Variants in ACYP2 observed in about 807,000 individuals in gnomAD.
ACYP2 encodes the protein acylphosphatase 2.
Under a neutral mutation model 11.2 loss-of-function variants are expected in ACYP2, and 12 were observed. The observed-to-expected ratio is 1.08, with a 90% CI of 0.69 to 1.74. ACYP2 has a LOEUF of 1.74. Among genes scored for constraint, ACYP2 ranks in the 40% most tolerant of loss-of-function variants. ACYP2 has a pLI of 0.00. For missense variants in ACYP2, 134 were observed against 101.9 expected (o/e 1.31, Z -1.35); for synonymous variants, 43 against 32.2 (o/e 1.33, Z -1.13).
chr2:54,252,434 G>C (rs1687269938), intron 6 of ACYP2, among the ~76,000 whole-genome samples: 1 of 152,150 alleles, frequency 6.6e-6, no homozygotes, highest in African/African-American at 2.4e-5. Context: ...AACTAGATCA[G>C]AGGGTTCGCA....
At chr2:54,079,716 G>C (rs542421868) in intron 4 of ACYP2, among the ~76,000 whole-genome samples, 1 of 152,122 alleles carries the variant, frequency 6.6e-6, no homozygotes, top group South Asian at 2.1e-4. Context: ...TTTAGGTTCG[G>C]AATAGCTTGA....
intron 6 of ACYP2, among the ~76,000 whole-genome samples, chr2:54,202,501 G>A (rs539480936): frequency 4.1e-5 from 6 of 147,492 alleles, no homozygotes; most frequent in East Asian, 2.0e-4. Context: ...TCTGCCTCCC[G>A]GGTTCAAGCA....
chr2:54,158,933 CTCTT>C (rs1378552110), intron 6 of ACYP2, among the ~76,000 whole-genome samples: 1 of 152,136 alleles, frequency 6.6e-6, no homozygotes, highest in Non-Finnish European at 1.5e-5. Context: ...GTTTGTATTT[CTCTT>C]TCTCTTTTTT....
intron 2 of ACYP2, among the ~76,000 whole-genome samples, chr2:54,034,106 C>T (rs1237256778): frequency 1.3e-5 from 2 of 152,092 alleles, no homozygotes; most frequent in African/African-American, 2.4e-5. Context: ...GAAAAGACTC[C>T]CAGCCCTTTG....
intron 6 of ACYP2, among the ~76,000 whole-genome samples, chr2:54,189,853 C>T (rs1051671875): frequency 1.3e-5 from 2 of 152,208 alleles, no homozygotes; most frequent in African/African-American, 4.8e-5. Context: ...CTTTTCTCCA[C>T]ATCCTTGCCA....
At chr2:54,267,121 ATCTTTAT>A (rs1688069981) in intron 6 of ACYP2, among the ~76,000 whole-genome samples, 1 of 152,138 alleles carries the variant, frequency 6.6e-6, no homozygotes, top group Non-Finnish European at 1.5e-5. Context: ...CATTGATGCT[ATCTTTAT>A]CTGTTTCTGT....
At chr2:54,064,735 G>A (rs1572677753) in intron 4 of ACYP2, among the ~76,000 whole-genome samples, 1 of 152,182 alleles carries the variant, frequency 6.6e-6, no homozygotes, top group Non-Finnish European at 1.5e-5. Context: ...GGCAGTGACA[G>A]GACCAAGTTT....
intron 4 of ACYP2, among the ~76,000 whole-genome samples, chr2:54,097,834 A>T (rs2103695504): frequency 6.6e-6 from 1 of 150,944 alleles, no homozygotes; most frequent in African/African-American, 2.4e-5. Flanking sequence ...TAATGAATTA[A>T]CAATTTCTTT....
chr2:54,017,892 G>A (rs6711217), intron 2 of ACYP2, among the ~76,000 whole-genome samples: 69,351 of 151,678 alleles, frequency 0.46, 16,051 homozygotes, highest in South Asian at 0.55. Context: ...TCAAAACAGG[G>A]TCTCACTTTG....
chr2:54,294,821 C>T (rs752488104), intron 6 of ACYP2, among the ~76,000 whole-genome samples: 30 of 151,796 alleles, frequency 2.0e-4, no homozygotes, highest in East Asian at 3.9e-4. Context: ...GAGGCTGAGG[C>T]GGGCGGATCC....
At chr2:54,010,888 C>G (rs1243286523) in intron 2 of ACYP2, among the ~76,000 whole-genome samples, 1 of 151,530 alleles carries the variant, frequency 6.6e-6, no homozygotes, top group Non-Finnish European at 1.5e-5. Flanking sequence ...AGGCTGGTCT[C>G]GAACTCCTGA....
intron 4 of ACYP2, among the ~76,000 whole-genome samples, chr2:54,059,875 G>A (rs1332312373): frequency 1.3e-5 from 2 of 152,198 alleles, no homozygotes; most frequent in South Asian, 2.1e-4. Context: ...AACTGGGAAA[G>A]GATTGCTTCA....
rs980401976 is a variant in ACYP2, at chr2:54,135,802, G to A, written c.294+333G>A. Among the ~76,000 whole-genome samples, 6 of 152,154 alleles carry A rather than the reference G, an allele frequency of 3.9e-5. No individual in the cohort carries two copies. The South Asian group carries it at 6.2e-4, about 16-fold the overall frequency. On this transcript the variant is annotated intron_variant, in intron 5 of 6. Transcript: ENST00000607452. ...GGATGGAAGAAATCCTCTAGGCAAC[G>A]GTACATATGTTGCACTGCAAAACAA...
chr2:54,103,140 C>T (rs1283482078), intron 4 of ACYP2, among the ~76,000 whole-genome samples: 2 of 151,030 alleles, frequency 1.3e-5, no homozygotes, highest in African/African-American at 4.8e-5. Context: ...GGATACTGTG[C>T]CAGCAAAAGA....
At chr2:54,141,966 T>G (rs1681628136) in intron 6 of ACYP2, 1 of 547,852 alleles carries the variant, frequency 1.8e-6, no homozygotes, top group Non-Finnish European at 3.3e-6. Flanking sequence ...ACCTCCTGAG[T>G]GCACATGCTG....
At chr2:53,977,848 T>G (rs1435914757) in intron 2 of ACYP2, among the ~76,000 whole-genome samples, 1 of 152,208 alleles carries the variant, frequency 6.6e-6, no homozygotes, top group Non-Finnish European at 1.5e-5. Context: ...TTTCCTCTGT[T>G]TCTGGCATCT....
rs544300936 is a variant in ACYP2, at chr2:54,268,978, C to A, written c.405-35710C>A. Among the ~76,000 whole-genome samples, 8 of 152,230 alleles carry A rather than the reference C, an allele frequency of 5.3e-5. No homozygotes were observed. The South Asian group carries it at 1.7e-3, about 32-fold the overall frequency. On this transcript the variant is annotated intron_variant, in intron 6 of 6. Transcript: ENST00000607452. Reference sequence around the variant, plus strand: ...TCTCTTAATTTAAACCTCATAATTACCCAATGAAGTTTGTGTCATCATTTC... The same window carrying A: ...TCTCTTAATTTAAACCTCATAATTAACCAATGAAGTTTGTGTCATCATTTC...
At chr2:54,157,934 G>A (rs998261871) in intron 6 of ACYP2, among the ~76,000 whole-genome samples, 7 of 152,218 alleles carry the variant, frequency 4.6e-5, no homozygotes, top group African/African-American at 4.8e-5. Context: ...CATCTGCCTG[G>A]TGCAGGCATT....
At chr2:53,992,182 CCTTCTTTCTCCTTCCTTCCTTCCTTT>C (rs1451037094) in intron 2 of ACYP2, among the ~76,000 whole-genome samples, 6 of 150,050 alleles carry the variant, frequency 4.0e-5, no homozygotes, top group East Asian at 2.0e-4. Flanking sequence ...TTTCTTCCTT[CCTTCTTTCTCCTTCCTTCCTTCCTTT>C]CTTCTTTCTC....
Sources: allele counts gnomAD v4.1 joint callset (sites outside exome capture counted in the v4.1 genomes callset), GRCh38; gene constraint gnomAD v4.1.1; transcripts MANE v1.5; gene names NCBI Gene and HGNC (gene_info 2026-07-23, HGNC 2026-07-21).